RASSF3: variants seen among roughly 807,000 people sequenced by gnomAD.
The protein encoded by RASSF3 is ras association domain-containing protein 3.
Under a neutral mutation model 19.9 loss-of-function variants are expected in RASSF3, and 19 were observed. The ratio of observed to expected loss-of-function variants is 0.96; its 90% CI spans 0.67 to 1.40. The LOEUF (loss-of-function observed/expected upper bound fraction) is 1.40. RASSF3 is among the 40% of genes most tolerant of loss of function. The pLI is 0.00. For synonymous variants in RASSF3, 110 were observed against 104.2 expected, an observed-to-expected ratio of 1.06 and a Z score of -0.34; for missense variants, 306 against 289.8, an observed-to-expected ratio of 1.06 and a Z score of -0.41.
At chr12:64,663,140 C>G (rs1056096457) in intron 1 of RASSF3, among the ~76,000 whole-genome samples, 5 of 152,174 alleles carry the variant, frequency 3.3e-5, no homozygotes, top group African/African-American at 1.2e-4. Flanking sequence ...GGAGCATGCA[C>G]ATAATGTTGA....
chr12:64,614,202 CG>C (rs1431467391), intron 1 of RASSF3, among the ~76,000 whole-genome samples: 4 of 146,548 alleles, frequency 2.7e-5, no homozygotes, highest in Non-Finnish European at 6.0e-5. Flanking sequence ...GGCGTGATCT[CG>C]GCTCACTGCA....
intron 1 of RASSF3, among the ~76,000 whole-genome samples, chr12:64,653,092 A>G (rs1374573641): frequency 1.3e-5 from 2 of 152,158 alleles, no homozygotes; most frequent in African/African-American, 2.4e-5. Flanking sequence ...CTTTTGAGAT[A>G]GGGTCTCACT....
chr12:64,657,777 A>G (rs1872212113), intron 1 of RASSF3, among the ~76,000 whole-genome samples: 1 of 152,246 alleles, frequency 6.6e-6, no homozygotes, highest in Admixed American at 6.5e-5. Context: ...ATTTGCTTGA[A>G]AAATATTGTC....
chr12:64,586,842 G>A (rs1869812758), intron 2 of RASSF3, among the ~76,000 whole-genome samples: 3 of 151,164 alleles, frequency 2.0e-5, no homozygotes, highest in African/African-American at 2.4e-5. Flanking sequence ...AGAATCGCTT[G>A]AACACGGGAG....
intron 2 of RASSF3, among the ~76,000 whole-genome samples, chr12:64,574,235 T>G (rs1869562868): frequency 1.3e-5 from 2 of 151,004 alleles, no homozygotes; most frequent in African/African-American, 4.9e-5. Flanking sequence ...GGCTTGAACC[T>G]GGGAGACGGA....
intron 1 of RASSF3, among the ~76,000 whole-genome samples, chr12:64,522,991 C>A (rs1868510406): frequency 6.6e-6 from 1 of 152,214 alleles, no homozygotes; most frequent in Non-Finnish European, 1.5e-5. Flanking sequence ...TCATCAGGCA[C>A]AGGGCCGGAG....
intron 1 of RASSF3, among the ~76,000 whole-genome samples, chr12:64,517,611 T>TAC (rs1442855637): frequency 7.2e-6 from 1 of 138,534 alleles, no homozygotes; most frequent in Non-Finnish European, 1.5e-5. Context: ...CATACATATA[T>TAC]ACACACACAC....
chr12:64,580,948 C>T (rs1392191585), intron 2 of RASSF3, among the ~76,000 whole-genome samples: 1 of 151,912 alleles, frequency 6.6e-6, no homozygotes, highest in East Asian at 1.9e-4. Flanking sequence ...GGGGTTAAGA[C>T]TTCATATCTT....
At chr12:64,668,338 G>A (rs1019967034) in intron 1 of RASSF3, among the ~76,000 whole-genome samples, 4 of 151,586 alleles carry the variant, frequency 2.6e-5, no homozygotes, top group African/African-American at 9.7e-5. Flanking sequence ...GTGGAATGTG[G>A]CACAATCTCC....
intron 2 of RASSF3, among the ~76,000 whole-genome samples, chr12:64,685,693 C>T (rs1305273087): frequency 1.3e-5 from 2 of 152,178 alleles, no homozygotes; most frequent in Non-Finnish European, 2.9e-5. Flanking sequence ...ACGTCGCTGT[C>T]GCAGGCTTCC....
Position 64,691,562 on chromosome 12 carries a change from G to A in RASSF3, c.550G>A (p.Glu184Lys). ...RTDTLSFVLR[E>K]HEIGEWEAFS... Reference sequence around the variant, plus strand: ...AGACACACTTAGTTTTGTTCTTCGTGAACATGAAATTGGAGAGGTAAGTTA... The same window carrying A: ...AGACACACTTAGTTTTGTTCTTCGTAAACATGAAATTGGAGAGGTAAGTTA... The change falls in exon 4 of 5, where the codon GAA (glutamate) becomes AAA (lysine). Residue 184 changes from glutamate (E) to lysine (K), a missense_variant. By Grantham distance (56) the Glu-to-Lys change is moderately conservative. Transcript: ENST00000542104. 6.2e-7 allele frequency: 1 copy of A among 1,601,324 alleles called. No individual in the cohort carries two copies. Among genetic ancestry groups the A allele is most frequent in the Admixed American group, 1.7e-5 (1 of 58,640 alleles).
intron 2 of RASSF3, among the ~76,000 whole-genome samples, chr12:64,579,647 G>A (rs375936669): frequency 5.1e-4 from 77 of 151,902 alleles, no homozygotes; most frequent in Non-Finnish European, 8.1e-4. Context: ...CACCGCGCCC[G>A]GCCAGCAATA....
intron 2 of RASSF3, among the ~76,000 whole-genome samples, chr12:64,585,967 C>G (rs1477435907): frequency 6.6e-6 from 1 of 152,082 alleles, no homozygotes; most frequent in Non-Finnish European, 1.5e-5. Context: ...CATAGTGTCC[C>G]TTGGTTCTCT....
Position 64,662,622 on chromosome 12 carries a change from C to T in RASSF3, c.112-22165C>T, listed in dbSNP as rs1308271627. Among the ~76,000 whole-genome samples the T allele has an allele frequency of 2.6e-5, 4 of 152,170 alleles. No individual in the cohort carries two copies. The East Asian group carries it at 7.7e-4, about 29-fold the overall frequency. On this transcript the variant is annotated intron_variant, in intron 1 of 4. Transcript: ENST00000542104. ...CCTAGATATATGTTAGATTAGTGGT[C>T]AGTTGCAAGAAGTAAATAAAGCTTC...
intron 2 of RASSF3, among the ~76,000 whole-genome samples, chr12:64,586,491 G>GAAAAAAAAAAAAAA (rs10708538): frequency 2.9e-5 from 2 of 70,132 alleles, no homozygotes; most frequent in African/African-American, 5.9e-5. Flanking sequence ...CTCCTTCTCA[G>GAAAAAAAAAAAAAA]AAAAAAAAAA....
chr12:64,656,047 T>A (rs1177263665), intron 1 of RASSF3, among the ~76,000 whole-genome samples: 3 of 149,766 alleles, frequency 2.0e-5, no homozygotes, highest in South Asian at 2.1e-4. Context: ...AAAAAAAAAA[T>A]TATAAATCCT....
chr12:64,635,406 C>T (rs1266088489), intron 1 of RASSF3, among the ~76,000 whole-genome samples: 1 of 152,178 alleles, frequency 6.6e-6, no homozygotes, highest in Non-Finnish European at 1.5e-5. Context: ...AAGCTAGTAG[C>T]TCTGCCTTCT....
At chr12:64,664,622 C>G (rs2136201174) in intron 1 of RASSF3, among the ~76,000 whole-genome samples, 1 of 152,286 alleles carries the variant, frequency 6.6e-6, no homozygotes, top group East Asian at 1.9e-4. Flanking sequence ...TTTCAGGGCT[C>G]ACAAAGTAAA....
rs1254557437 is a variant in RASSF3, at chr12:64,696,085, TCCTCCCTCCCTCCCTC to T, written c.*1195_*1210del. 17 of 31,772 alleles carry T rather than the reference TCCTCCCTCCCTCCCTC, an allele frequency of 5.4e-4. No individual in the cohort carries two copies. The highest frequency in any genetic ancestry group is 9.5e-4 in the South Asian group (1 of 1,056). 2.0% of individuals were successfully genotyped at this position (31,772 alleles called of 1,614,324 possible). On this transcript the variant is annotated 3_prime_UTR_variant, in exon 5 of 5. Transcript: ENST00000542104. Reference sequence around the variant, plus strand: ...TGTCTCCCACCCTACCTTGTTCTTTTCCTCCCTCCCTCCCTCCCTCCCTCCCTCCCTCCCTCCTTCC... The same window carrying T: ...TGTCTCCCACCCTACCTTGTTCTTTTCCTCCCTCCCTCCCTCCCTCCTTCC...
Sources: allele counts gnomAD v4.1 joint callset (sites outside exome capture counted in the v4.1 genomes callset), GRCh38; gene constraint gnomAD v4.1.1; transcripts MANE v1.5; gene names NCBI Gene and HGNC (gene_info 2026-07-23, HGNC 2026-07-21).